Variants in CCSER1 observed in about 807,000 individuals in gnomAD.
CCSER1 encodes the protein coiled-coil serine rich protein 1, also known as serine-rich coiled-coil domain-containing protein 1.
A neutral mutation model predicts 82.0 loss-of-function variants in CCSER1; 41 were observed. The observed-to-expected ratio is 0.50, with a 90% confidence interval of 0.39 to 0.65. CCSER1 has a LOEUF of 0.65. CCSER1 is among the 30% of genes least tolerant of loss of function. CCSER1 has a pLI of 0.00. For missense variants in CCSER1, 1,119 were observed against 1,064.2 expected (o/e 1.05, Z -0.72); for synonymous variants, 414 against 383.9 (o/e 1.08, Z -0.92).
At chr4:90,650,218 A>AAAACAAAC (rs10593067) in intron 6 of CCSER1, among the ~76,000 whole-genome samples, 1 of 151,672 alleles carries the variant, frequency 6.6e-6, no homozygotes, top group South Asian at 2.1e-4. Flanking sequence ...CTCCGTCTCA[A>AAAACAAAC]AAACAAACAA....
intron 6 of CCSER1, among the ~76,000 whole-genome samples, chr4:90,651,923 T>A (rs926714195): frequency 1.3e-5 from 2 of 152,116 alleles, no homozygotes; most frequent in Non-Finnish European, 2.9e-5. Context: ...CCATTAAACT[T>A]GGGGGATGAG....
At chr4:90,809,271 T>G (rs1026519363) in intron 7 of CCSER1, among the ~76,000 whole-genome samples, 1 of 150,026 alleles carries the variant, frequency 6.7e-6, no homozygotes, top group African/African-American at 2.5e-5. Flanking sequence ...AGTAAGCTGA[T>G]CATACTACTG....
At chr4:90,263,597 G>A (rs1724719101) in intron 1 of CCSER1, among the ~76,000 whole-genome samples, 1 of 152,144 alleles carries the variant, frequency 6.6e-6, no homozygotes, top group African/African-American at 2.4e-5. Flanking sequence ...CCTGGGCACA[G>A]AGTTATTCTA....
intron 5 of CCSER1, among the ~76,000 whole-genome samples, chr4:90,611,631 A>T (rs1012855705): frequency 6.6e-6 from 1 of 151,030 alleles, no homozygotes; most frequent in Non-Finnish European, 1.5e-5. Context: ...AATAAGCCAA[A>T]CCTCTTAAGG....
chr4:91,158,176 C>T (rs1731009219), intron 10 of CCSER1, among the ~76,000 whole-genome samples: 1 of 151,992 alleles, frequency 6.6e-6, no homozygotes. Context: ...CAGTATTTTG[C>T]ACTTTCAGAT....
intron 7 of CCSER1, among the ~76,000 whole-genome samples, chr4:90,776,496 T>C (rs918511183): frequency 1.9e-4 from 29 of 152,216 alleles, no homozygotes; most frequent in Admixed American, 6.5e-5. Context: ...GTAGACTTAA[T>C]TAATGTCACC....
chr4:91,102,254 A>G (rs1350647358), intron 10 of CCSER1, among the ~76,000 whole-genome samples: 1 of 151,636 alleles, frequency 6.6e-6, no homozygotes, highest in Non-Finnish European at 1.5e-5. Flanking sequence ...AAGTCTCTAA[A>G]TGGGAAAATT....
chr4:90,721,629 G>A (rs992264806), intron 6 of CCSER1, among the ~76,000 whole-genome samples: 4 of 151,618 alleles, frequency 2.6e-5, no homozygotes, highest in Non-Finnish European at 4.4e-5. Flanking sequence ...ATATTAAATT[G>A]TATCAGTATT....
chr4:90,771,253 A>G (rs1019611949), intron 7 of CCSER1, among the ~76,000 whole-genome samples: 1 of 151,946 alleles, frequency 6.6e-6, no homozygotes, highest in African/African-American at 2.4e-5. Flanking sequence ...ATGAAATATT[A>G]TTTTTCATTT....
chr4:90,864,939 C>T (rs562695955), intron 8 of CCSER1, among the ~76,000 whole-genome samples: 60 of 152,020 alleles, frequency 3.9e-4, no homozygotes, highest in African/African-American at 1.3e-3. Flanking sequence ...TAGGTGTTCT[C>T]GAGAGGTTTT....
chr4:91,203,872 G>A (rs958630110), intron 10 of CCSER1, among the ~76,000 whole-genome samples: 10 of 151,930 alleles, frequency 6.6e-5, no homozygotes, highest in African/African-American at 2.4e-4. Context: ...AGATCTGAGA[G>A]TTTAATAGTG....
chr4:90,211,989 G>A (rs970111234), intron 1 of CCSER1, among the ~76,000 whole-genome samples: 6 of 152,110 alleles, frequency 3.9e-5, no homozygotes, highest in South Asian at 2.1e-4. Flanking sequence ...GACAACAACC[G>A]CTGTCAGCCC....
intron 4 of CCSER1, among the ~76,000 whole-genome samples, chr4:90,427,905 C>T (rs1757748450): frequency 6.6e-6 from 1 of 151,752 alleles, no homozygotes; most frequent in African/African-American, 2.4e-5. Context: ...TTATAGCCAT[C>T]AGGAACAGAA....
At chr4:90,316,203 C>A (rs1248597134) in intron 3 of CCSER1, among the ~76,000 whole-genome samples, 2 of 152,086 alleles carry the variant, frequency 1.3e-5, no homozygotes, top group African/African-American at 4.8e-5. Flanking sequence ...AAATAAGGTA[C>A]TGAGAAGATA....
intron 1 of CCSER1, among the ~76,000 whole-genome samples, chr4:90,232,062 G>A (rs1487107052): frequency 6.6e-6 from 1 of 152,156 alleles, no homozygotes; most frequent in African/African-American, 2.4e-5. Context: ...GTAATTTATA[G>A]ATTCAATGCC....
chr4:91,297,379 G>A (rs1053659193), intron 10 of CCSER1, among the ~76,000 whole-genome samples: 3 of 98,590 alleles, frequency 3.0e-5, no homozygotes, highest in South Asian at 2.9e-4. Flanking sequence ...GTGTGTGTGT[G>A]TGTGTATGTG....
chr4:91,245,791 G>C (rs1228273682), intron 10 of CCSER1, among the ~76,000 whole-genome samples: 2 of 152,130 alleles, frequency 1.3e-5, no homozygotes, highest in Admixed American at 1.3e-4. Context: ...CTGCCTCCCA[G>C]GTTCAAACGA....
chr4:90,309,208 A>C lies in CCSER1; in HGVS notation c.924A>C (p.Thr308=), dbSNP rs752181773. The part of the protein sequence containing the change: ...LNSAAVTKTT[T]ELTGTVPCAI... The stretch of plus-strand genomic sequence containing the variant: ...CTGCTGCTGTTACAAAGACAACAAC[A>C]GAACTTACGGGAACTGTTCCCTGTG... The change falls in exon 2 of 11, where the codon ACA becomes ACC. Residue 308 remains threonine (T), a synonymous_variant. Transcript: ENST00000509176. The C allele has an allele frequency of 9.3e-6, 15 of 1,613,856 alleles. No individual in the cohort carries two copies. Among genetic ancestry groups the C allele is most frequent in the Non-Finnish European group, 1.2e-5 (14 of 1,179,856 alleles).
At chr4:90,977,388 G>GTA (rs1330603308) in intron 9 of CCSER1, among the ~76,000 whole-genome samples, 2 of 151,186 alleles carry the variant, frequency 1.3e-5, no homozygotes, top group Admixed American at 6.6e-5. Flanking sequence ...ATATATATAT[G>GTA]TATATATACA....
Sources: gnomAD v4.1 joint callset for allele counts (sites outside exome capture counted in the v4.1 genomes callset) on GRCh38, gnomAD v4.1.1 for gene constraint, MANE v1.5 for transcripts, NCBI Gene and HGNC (gene_info 2026-07-23, HGNC 2026-07-21) for gene names.